Variants in STARD10 observed in about 807,000 individuals in gnomAD.
The protein encoded by STARD10 is START domain-containing protein 10.
Under a neutral mutation model 36.0 loss-of-function variants are expected in STARD10, and 24 were observed. The ratio of observed to expected loss-of-function variants is 0.67; its 90% CI spans 0.48 to 0.94. The LOEUF is 0.94. Ranked by LOEUF, STARD10 falls within the 40% of genes least tolerant of loss-of-function variation. STARD10 has a pLI of 0.00. For missense variants in STARD10, 335 were observed against 396.6 expected (o/e 0.84, Z 1.32); for synonymous variants, 156 against 161.9 (o/e 0.96, Z 0.28).
At chr11:72,789,398 G>A (rs1859114120) in intron 1 of STARD10, among the ~76,000 whole-genome samples, 1 of 152,176 alleles carries the variant, frequency 6.6e-6, no homozygotes, top group South Asian at 2.1e-4. Context: ...TCTCCTGAGT[G>A]GGGTTAACCT....
chr11:72,785,291 G>A (rs533442003), intron 1 of STARD10, among the ~76,000 whole-genome samples: 2 of 152,052 alleles, frequency 1.3e-5, no homozygotes, highest in Non-Finnish European at 2.9e-5. Context: ...GGGGCCGGGT[G>A]TGGTGGCTAA....
At chr11:72,768,431 T>G (rs977500188) in intron 2 of STARD10, among the ~76,000 whole-genome samples, 8 of 151,706 alleles carry the variant, frequency 5.3e-5, no homozygotes, top group Admixed American at 5.2e-4. Context: ...ACCAAGACCC[T>G]TCACTTTACA....
chr11:72,789,236 C>G (rs889583906), intron 1 of STARD10, among the ~76,000 whole-genome samples: 5 of 152,210 alleles, frequency 3.3e-5, no homozygotes, highest in African/African-American at 1.2e-4. Context: ...GTGCTTAGCA[C>G]AGTGCCTGGC....
chr11:72,771,531 G>A (rs1002496132), intron 2 of STARD10, among the ~76,000 whole-genome samples: 100 of 152,286 alleles, frequency 6.6e-4, no homozygotes, highest in African/African-American at 2.2e-3. Context: ...CCCTGAGACT[G>A]TAGTGGAGAG....
intron 1 of STARD10, chr11:72,782,019 G>A (rs1249144577): frequency 6.6e-6 from 1 of 152,190 alleles, no homozygotes; most frequent in East Asian, 1.9e-4. Context: ...GGAAAGGGGT[G>A]AGGAGATGCC....
intron 2 of STARD10, among the ~76,000 whole-genome samples, chr11:72,777,240 G>T (rs1246225361): frequency 5.3e-5 from 8 of 152,276 alleles, no homozygotes; most frequent in Admixed American, 2.0e-4. Context: ...GAGCACGTGA[G>T]CATCCAGGCC....
intron 2 of STARD10, among the ~76,000 whole-genome samples, chr11:72,764,717 G>C (rs544166916): frequency 6.6e-6 from 1 of 152,350 alleles, no homozygotes; most frequent in East Asian, 1.9e-4. Context: ...GGCGGGGTAG[G>C]GCTGAGTCTC....
chr11:72,772,749 T>C (rs1312243144), intron 2 of STARD10, among the ~76,000 whole-genome samples: 1 of 152,156 alleles, frequency 6.6e-6, no homozygotes, highest in Non-Finnish European at 1.5e-5. Context: ...CTTCTTTTCC[T>C]CACTGTTATC....
At chr11:72,757,145 C>CAAAAAAAAAAAAAAA (rs34839119) in intron 5 of STARD10, among the ~76,000 whole-genome samples, 1 of 102,188 alleles carries the variant, frequency 9.8e-6, no homozygotes. Flanking sequence ...AACTCTGTCT[C>CAAAAAAAAAAAAAAA]AAAAAAAAAA....
rs541283092 is a variant in STARD10 at position 72,787,658 on chromosome 11, C to T, written c.-114+5217G>A. On this transcript the variant is annotated intron_variant, in intron 1 of 6. Transcript: ENST00000334805. ...CGGGGTCGATGCGTCCTTCCAAAAG[C>T]CCGGGAGTTTCCTGTCAGAGGCGCC... 2.0e-5 allele frequency among the ~76,000 whole-genome samples: 3 copies of T among 152,336 alleles called. No individual in the cohort carries two copies. In the South Asian group the frequency reaches 6.2e-4, roughly 32 times the overall value.
chr11:72,790,266 C>T (rs187550615), intron 1 of STARD10: 1 of 152,438 alleles, frequency 6.6e-6, no homozygotes, highest in East Asian at 1.9e-4. Flanking sequence ...CCTGCCCCCT[C>T]CCATGTGGCT....
In STARD10 at chr11:72,775,536, C is replaced by T. The variant is rs188890001; in HGVS notation, c.207+5439G>A. Among the ~76,000 whole-genome samples, 18 of 152,194 alleles carry T rather than the reference C, an allele frequency of 1.2e-4. No individual in the cohort carries two copies. In the East Asian group the frequency reaches 1.4e-3, roughly 11 times the overall value. ...GCTGCTGCTCTGTATGGAATGCTCC[C>T]GACACGATCAAACTTGTAATCTTCA... is the stretch of plus-strand genomic sequence containing the variant. On this transcript the variant is annotated intron_variant, in intron 2 of 6. Coordinates refer to ENST00000334805, the MANE Select transcript of STARD10 (RefSeq NM_006645.3).
At chr11:72,790,590 G>C (rs552402900) in intron 1 of STARD10, among the ~76,000 whole-genome samples, 22 of 152,318 alleles carry the variant, frequency 1.4e-4, no homozygotes, top group African/African-American at 5.3e-4. Context: ...CCTGCTGTTA[G>C]CATTCATGGA....
At chr11:72,780,501 T>C in intron 2 of STARD10, 1 of 396,560 alleles carries the variant, frequency 2.5e-6, no homozygotes, top group South Asian at 1.8e-5. Flanking sequence ...GAGCAGGGCA[T>C]CGGGCAGTAA....
intron 2 of STARD10, among the ~76,000 whole-genome samples, chr11:72,777,927 A>G (rs1020665705): frequency 6.6e-6 from 1 of 152,194 alleles, no homozygotes; most frequent in Non-Finnish European, 1.5e-5. Flanking sequence ...GGCCCAGAGC[A>G]GGCTGAGGCA....
chr11:72,785,410 C>T lies in STARD10; in HGVS notation c.-113-4116G>A, dbSNP rs959596407. 2.2e-4 allele frequency among the ~76,000 whole-genome samples: 34 copies of T among 151,640 alleles called. 1 individual carries two copies. Among genetic ancestry groups the T allele is most frequent in the Non-Finnish European group, 5.9e-5 (4 of 67,898 alleles). On this transcript the variant is annotated intron_variant, in intron 1 of 6. Coordinates refer to ENST00000334805, the MANE Select transcript of STARD10 (RefSeq NM_006645.3). Reference sequence around the variant, plus strand: ...TGAAACCCCATCTCTACTAAAAATACAACAATTAGCCAGGTGTGGTGGCAC... The same window carrying T: ...TGAAACCCCATCTCTACTAAAAATATAACAATTAGCCAGGTGTGGTGGCAC...
chr11:72,784,171 A>G (rs1859042411), intron 1 of STARD10, among the ~76,000 whole-genome samples: 1 of 152,190 alleles, frequency 6.6e-6, no homozygotes, highest in African/African-American at 2.4e-5. Flanking sequence ...GCCCATTCAT[A>G]TCCTTCTCAA....
At chr11:72,784,548 AC>A (rs1859047168) in intron 1 of STARD10, among the ~76,000 whole-genome samples, 1 of 152,238 alleles carries the variant, frequency 6.6e-6, no homozygotes, top group African/African-American at 2.4e-5. Flanking sequence ...CATGGTTCCA[AC>A]AAAAAGTGTT....
intron 2 of STARD10, among the ~76,000 whole-genome samples, chr11:72,764,092 T>C (rs72964864): frequency 1.7e-3 from 262 of 152,264 alleles, no homozygotes; most frequent in Non-Finnish European, 3.2e-3. Context: ...TCTTCAAACA[T>C]GTTATCCTGG....
Sources: allele counts gnomAD v4.1 joint callset (sites outside exome capture counted in the v4.1 genomes callset), GRCh38; gene constraint gnomAD v4.1.1; transcripts MANE v1.5; gene names NCBI Gene and HGNC (gene_info 2026-07-23, HGNC 2026-07-21).